AASDH: variants seen among roughly 807,000 people sequenced by gnomAD.
AASDH encodes the protein beta-alanine-activating enzyme.
AASDH carries 81 observed loss-of-function variants against 102.3 expected under a neutral mutation model. The ratio of observed to expected loss-of-function variants is 0.79; its 90% CI spans 0.66 to 0.95. AASDH has a LOEUF of 0.95. Ranked by LOEUF, AASDH falls within the 40% of genes least tolerant of loss-of-function variation. The pLI is 0.00. For synonymous variants in AASDH, 398 were observed against 454.0 expected (o/e 0.88, Z 1.57); for missense variants, 1,203 against 1,266.2 (o/e 0.95, Z 0.76).
chr4:56,373,528 G>A (rs1036885997), intron 4 of AASDH, among the ~76,000 whole-genome samples: 9 of 152,134 alleles, frequency 5.9e-5, no homozygotes, highest in African/African-American at 2.2e-4. Flanking sequence ...AGAAAGAAGG[G>A]CAGGAAAAGG....
intron 9 of AASDH, 130 bp from the exon 10 acceptor site, chr4:56,351,587 ACAAT>A (rs1749010292): frequency 1.7e-6 from 1 of 578,768 alleles, no homozygotes; most frequent in African/African-American, 1.9e-5. Context: ...TTTGTTGTCA[ACAAT>A]CAATTCTAAA....
chr4:56,377,184 A>G lies in AASDH; in HGVS notation c.668+964T>C, dbSNP rs201880723. Among the ~76,000 whole-genome samples the G allele has an allele frequency of 3.9e-5, 6 of 152,296 alleles. No individual in the cohort carries two copies. In the East Asian group the frequency reaches 1.2e-3, roughly 29 times the overall value. ...GAATATTACTTAAGCATTTAAAATTACATAAAACTTAAAATGACATAAAAT... is the reference window on the plus strand; with the variant it reads ...GAATATTACTTAAGCATTTAAAATTGCATAAAACTTAAAATGACATAAAAT... On this transcript the variant is annotated intron_variant, in intron 4 of 14. Transcript: ENST00000205214.
At chr4:56,346,093 C>T (rs1231555608) in intron 11 of AASDH, among the ~76,000 whole-genome samples, 1 of 152,158 alleles carries the variant, frequency 6.6e-6, no homozygotes, top group Non-Finnish European at 1.5e-5. Context: ...CCAAAATAAC[C>T]TAACTGGAAG....
Position 56,371,596 on chromosome 4 carries a change from G to C in AASDH, c.716C>G (p.Pro239Arg), listed in dbSNP as rs757963918. ...CACAACAGAAGGATCGAAGGTCAGA[G>C]GTGAAGCCAGAAACAAAACATCTTC... ...TQEDVLFLAS[P>R]LTFDPSVVEI... The change falls in exon 5 of 15, where the codon CCT (proline) becomes CGT (arginine). Residue 239 changes from proline to arginine, a missense_variant. Coordinates refer to ENST00000205214, the MANE Select transcript of AASDH (RefSeq NM_181806.4). 3 of 1,611,246 alleles carry C rather than the reference G, an allele frequency of 1.9e-6. No individual in the cohort carries two copies. The highest frequency in any genetic ancestry group is 2.2e-5 in the East Asian group (1 of 44,836).
chr4:56,381,086 T>C (rs1439285898), intron 3 of AASDH, among the ~76,000 whole-genome samples: 1 of 152,210 alleles, frequency 6.6e-6, no homozygotes, highest in Non-Finnish European at 1.5e-5. Context: ...CTACTGGTCA[T>C]AAAGAATACC....
At chr4:56,363,343 A>C (rs1578015349) in intron 5 of AASDH, among the ~76,000 whole-genome samples, 1 of 152,188 alleles carries the variant, frequency 6.6e-6, no homozygotes, top group African/African-American at 2.4e-5. Flanking sequence ...TGCAAACTTA[A>C]ATGTCCCTGT....
At chr4:56,352,188 C>G (rs1398221354) in intron 9 of AASDH, among the ~76,000 whole-genome samples, 2 of 152,094 alleles carry the variant, frequency 1.3e-5, no homozygotes, top group Admixed American at 1.3e-4. Context: ...TCAATTCTAT[C>G]ACTGTGATAG....
intron 5 of AASDH, among the ~76,000 whole-genome samples, chr4:56,355,680 A>C (rs973679314): frequency 2.1e-5 from 3 of 145,876 alleles, no homozygotes; most frequent in Non-Finnish European, 3.0e-5. Context: ...GTGCAATAGC[A>C]TGACCATGGC....
In AASDH at chr4:56,382,479, T is replaced by C; in HGVS notation, c.349A>G (p.Asn117Asp). Reference protein sequence around the residue: ...KYILVEKKQINKFKSFHETLL... With the variant: ...KYILVEKKQIDKFKSFHETLL... ...ACAATTGAAACATCCAGACTTACATTAATTTGTTTTTTTTCAACAAGGATA... is the reference window on the plus strand; with the variant it reads ...ACAATTGAAACATCCAGACTTACATCAATTTGTTTTTTTTCAACAAGGATA... Residue 117 changes from asparagine to aspartate, a missense_variant and splice_region_variant, in exon 3 of 15, where the codon AAT becomes GAT. Coordinates refer to ENST00000205214, the MANE Select transcript of AASDH (RefSeq NM_181806.4). The C allele has an allele frequency of 6.4e-7, 1 of 1,560,056 alleles. No homozygotes were observed. The highest frequency in any genetic ancestry group is 1.1e-5 in the South Asian group (1 of 87,130).
Position 56,348,716 on chromosome 4 carries a change from G to A in AASDH, c.2488+547C>T, listed in dbSNP as rs548452695. Among the ~76,000 whole-genome samples the A allele has an allele frequency of 2.0e-5, 3 of 152,316 alleles. No individual in the cohort carries two copies. In the East Asian group the frequency reaches 5.8e-4, roughly 29 times the overall value. Reference sequence around the variant, plus strand: ...TGTAAGGGCAGTCAAGCAGCCTAGAGAGAGGCGTATGTGGCAAGAATTGAA... The same window carrying A: ...TGTAAGGGCAGTCAAGCAGCCTAGAAAGAGGCGTATGTGGCAAGAATTGAA... On this transcript the variant is annotated intron_variant, in intron 11 of 14. Coordinates refer to ENST00000205214, the MANE Select transcript of AASDH (RefSeq NM_181806.4).
intron 1 of AASDH, among the ~76,000 whole-genome samples, chr4:56,386,365 T>A (rs1045617963): frequency 1.3e-5 from 2 of 152,220 alleles, no homozygotes; most frequent in African/African-American, 4.8e-5. Context: ...ATTTTCCCAA[T>A]GGTTGCTACA....
In AASDH at chr4:56,353,509, C is replaced by G; in HGVS notation, c.1471G>C (p.Ala491Pro). The G allele has an allele frequency of 6.2e-7, 1 of 1,613,694 alleles. No homozygotes were observed. Among genetic ancestry groups the G allele is most frequent in the East Asian group, 2.2e-5 (1 of 44,828 alleles). The change falls in exon 9 of 15, where the codon GCT becomes CCT. Residue 491 changes from alanine to proline, a missense_variant. Transcript: ENST00000205214. Reference sequence around the variant, plus strand: ...TTAAAGATGTATTCTTTTACTGAAGCATCTTTAGACACCATGAAGAGAATT... The same window carrying G: ...TTAAAGATGTATTCTTTTACTGAAGGATCTTTAGACACCATGAAGAGAATT... Reference protein sequence around the residue: ...KLILFMVSKDASVKEYIFKEL... With the variant: ...KLILFMVSKDPSVKEYIFKEL...
chr4:56,351,600 A>T, intron 9 of AASDH, 143 bp from the exon 10 acceptor site: 1 of 568,124 alleles, frequency 1.8e-6, no homozygotes, highest in Admixed American at 3.3e-5. Flanking sequence ...ATCAATTCTA[A>T]AAAGTTGTCT....
intron 5 of AASDH, among the ~76,000 whole-genome samples, chr4:56,369,347 G>A (rs1578034938): frequency 6.6e-6 from 1 of 152,108 alleles, no homozygotes; most frequent in Non-Finnish European, 1.5e-5. Context: ...CATTCCGTGA[G>A]AAATATGCTC....
Position 56,368,853 on chromosome 4 carries a change from C to A in AASDH, c.861+2598G>T, listed in dbSNP as rs1165614640. On this transcript the variant is annotated intron_variant, in intron 5 of 14. Transcript: ENST00000205214. Reference sequence around the variant, plus strand: ...CAAACCTGCACGTTGTACACATGTACCCTAAAACTTAAATTAAAAAAAAAA... The same window carrying A: ...CAAACCTGCACGTTGTACACATGTAACCTAAAACTTAAATTAAAAAAAAAA... 3.5e-5 allele frequency among the ~76,000 whole-genome samples: 5 copies of A among 142,730 alleles called. No homozygotes were observed. In the South Asian group the frequency reaches 9.6e-4, roughly 27 times the overall value. 93.6% of individuals were successfully genotyped at this position (142,730 alleles called of 152,430 possible). A position where few individuals can be genotyped will look rare whatever the true frequency, so the allele number is the denominator to read the frequency against.
intron 5 of AASDH, among the ~76,000 whole-genome samples, chr4:56,358,997 A>C (rs1245775501): frequency 6.6e-6 from 1 of 152,222 alleles, no homozygotes; most frequent in Non-Finnish European, 1.5e-5. Context: ...AGGTGGATAT[A>C]CATGTATAAC....
In AASDH at chr4:56,372,616, G is replaced by A. The variant is rs1234020361; in HGVS notation, c.669-973C>T. 3.9e-5 allele frequency among the ~76,000 whole-genome samples: 6 copies of A among 152,116 alleles called. No individual in the cohort carries two copies. In the East Asian group the frequency reaches 1.2e-3, roughly 29 times the overall value. On this transcript the variant is annotated intron_variant, in intron 4 of 14. Coordinates refer to ENST00000205214, the MANE Select transcript of AASDH (RefSeq NM_181806.4). ...TAATTTCAAAAAAGCTTCAAATATGGTATAAACATTTTAAAAATTATAACT... is the reference window on the plus strand; with the variant it reads ...TAATTTCAAAAAAGCTTCAAATATGATATAAACATTTTAAAAATTATAACT...
At chr4:56,342,133 A>C (rs1386391256) in intron 14 of AASDH, among the ~76,000 whole-genome samples, 1 of 146,180 alleles carries the variant, frequency 6.8e-6, no homozygotes, top group African/African-American at 2.5e-5. Context: ...AAAAAAAAAA[A>C]AGAAGTTGGG....
chr4:56,342,138 G>T (rs1299739955), intron 14 of AASDH, among the ~76,000 whole-genome samples: 4 of 142,058 alleles, frequency 2.8e-5, no homozygotes, highest in African/African-American at 7.8e-5. Flanking sequence ...AAAAAAAGAA[G>T]TTGGGGTGGG....
Sources: gnomAD v4.1 joint callset for allele counts (sites outside exome capture counted in the v4.1 genomes callset) on GRCh38, gnomAD v4.1.1 for gene constraint, MANE v1.5 for transcripts, NCBI Gene and HGNC (gene_info 2026-07-23, HGNC 2026-07-21) for gene names.